The following ARID2 variants were observed in gnomAD, a reference collection of about 807,000 sequenced individuals.
ARID2 encodes the protein AT-rich interaction domain 2.
ARID2 carries 32 observed loss-of-function variants against 184.6 expected under a neutral mutation model. That is an observed-to-expected ratio of 0.17 (90% CI 0.13 to 0.23). ARID2 has a LOEUF of 0.23. Among genes scored for constraint, ARID2 ranks in the 10% least tolerant of loss-of-function variants. ARID2 has a pLI of 1.00. For missense variants in ARID2, 1,696 were observed against 2,197.6 expected, an observed-to-expected ratio of 0.77 and a Z score of 4.56; for synonymous variants, 836 against 772.6, an observed-to-expected ratio of 1.08 and a Z score of -1.36.
intron 16 of ARID2, among the ~76,000 whole-genome samples, chr12:45,868,255 A>G (rs1943862422): frequency 6.6e-6 from 1 of 152,174 alleles, no homozygotes; most frequent in Non-Finnish European, 1.5e-5. Context: ...AGCCTGGCCA[A>G]CATGGCAAAA....
chr12:45,742,256 A>G (rs1331593392), intron 3 of ARID2, among the ~76,000 whole-genome samples: 1 of 152,184 alleles, frequency 6.6e-6, no homozygotes, highest in Non-Finnish European at 1.5e-5. Context: ...AGAATATAAT[A>G]TTTTTACTTT....
Position 45,734,547 on chromosome 12 carries a change from A to G in ARID2, c.284+3233A>G, listed in dbSNP as rs369412437. 5.3e-5 allele frequency among the ~76,000 whole-genome samples: 8 copies of G among 151,260 alleles called. No homozygotes were observed. In the East Asian group the frequency reaches 1.6e-3, roughly 29 times the overall value. The stretch of plus-strand genomic sequence containing the variant: ...GAAAGGATAAGGTATAGTTTCCCAC[A>G]TTTTGTAGATGGAGATATTAAAGTG... On this transcript the variant is annotated intron_variant, in intron 3 of 20. Transcript: ENST00000334344.
In ARID2 at chr12:45,851,495, G is replaced by A; in HGVS notation, c.3372G>A (p.Gln1124=). 6.2e-7 allele frequency: 1 copy of A among 1,614,128 alleles called. No individual in the cohort carries two copies. The highest frequency in any genetic ancestry group is 8.5e-7 in the Non-Finnish European group (1 of 1,179,990). The part of the protein sequence containing the change: ...QTPAQQLLVG[Q]QNVQLVPSAM... Reference sequence around the variant, plus strand: ...CAGCTCAGCAGCTATTGGTTGGGCAGCAAAATGTTCAGTTGGTCCCAAGTG... The same window carrying A: ...CAGCTCAGCAGCTATTGGTTGGGCAACAAAATGTTCAGTTGGTCCCAAGTG... The change falls in exon 15 of 21, where the codon CAG becomes CAA. Residue 1124 remains glutamine (Q), a synonymous_variant. Coordinates refer to ENST00000334344, the MANE Select transcript of ARID2 (RefSeq NM_152641.4).
intron 3 of ARID2, among the ~76,000 whole-genome samples, chr12:45,779,030 A>T (rs1428440170): frequency 1.3e-5 from 2 of 152,048 alleles, no homozygotes; most frequent in Non-Finnish European, 2.9e-5. Flanking sequence ...TAGTTTTTAG[A>T]TAATTTTAAT....
chr12:45,744,405 AT>A (rs1236637095), intron 3 of ARID2, among the ~76,000 whole-genome samples: 8 of 152,018 alleles, frequency 5.3e-5, no homozygotes, highest in Non-Finnish European at 4.4e-5. Flanking sequence ...ATCCATAGGT[AT>A]TATCTATATT....
chr12:45,907,378 G>A lies in ARID2; in HGVS notation c.*2300G>A, dbSNP rs1191014750. ...TAATAGAAAAGAGAACAAACTGCAGGTTTAGAAAAATGGTTTTCATATTCA... is the reference window on the plus strand; with the variant it reads ...TAATAGAAAAGAGAACAAACTGCAGATTTAGAAAAATGGTTTTCATATTCA... On this transcript the variant is annotated 3_prime_UTR_variant, in exon 21 of 21. Transcript: ENST00000334344. 2 of 233,246 alleles carry A rather than the reference G, an allele frequency of 8.6e-6. No homozygotes were observed. The highest frequency in any genetic ancestry group is 2.2e-5 in the African/African-American group (1 of 45,298). 14.4% of individuals were successfully genotyped at this position (233,246 alleles called of 1,614,324 possible).
At chr12:45,753,684 C>T (rs760430016) in intron 3 of ARID2, among the ~76,000 whole-genome samples, 37 of 152,220 alleles carry the variant, frequency 2.4e-4, no homozygotes, top group South Asian at 1.5e-3. Flanking sequence ...CTCACTGCAA[C>T]CTTTGGTCAA....
At chr12:45,799,397 G>A (rs1236376159) in intron 3 of ARID2, among the ~76,000 whole-genome samples, 1 of 152,146 alleles carries the variant, frequency 6.6e-6, no homozygotes, top group Non-Finnish European at 1.5e-5. Flanking sequence ...GCATCATTAT[G>A]TACACTTAAT....
intron 16 of ARID2, among the ~76,000 whole-genome samples, chr12:45,878,563 T>C (rs1293739518): frequency 6.6e-6 from 1 of 152,196 alleles, no homozygotes; most frequent in South Asian, 2.1e-4. Flanking sequence ...ACAGTTTTTT[T>C]CATATTTCTA....
At chr12:45,890,588 A>G (rs965901617) in intron 16 of ARID2, among the ~76,000 whole-genome samples, 1 of 152,224 alleles carries the variant, frequency 6.6e-6, no homozygotes, top group Non-Finnish European at 1.5e-5. Context: ...AACAAAATGT[A>G]TTTACTGATT....
At chr12:45,890,402 A>ATG (rs1345376471) in intron 16 of ARID2, among the ~76,000 whole-genome samples, 2 of 152,216 alleles carry the variant, frequency 1.3e-5, no homozygotes, top group African/African-American at 4.8e-5. Flanking sequence ...TTCTGTGTAT[A>ATG]TGTGTGCACG....
intron 3 of ARID2, among the ~76,000 whole-genome samples, chr12:45,775,524 AT>A (rs1191109115): frequency 1.3e-5 from 2 of 152,148 alleles, no homozygotes; most frequent in Non-Finnish European, 2.9e-5. Flanking sequence ...AAATTTATTC[AT>A]TACTGTTCTT....
intron 11 of ARID2, among the ~76,000 whole-genome samples, chr12:45,844,112 A>C (rs188950906): frequency 2.0e-5 from 3 of 152,164 alleles, no homozygotes; most frequent in African/African-American, 7.2e-5. Context: ...AACCTGGCTC[A>C]CTGTAGTGTT....
At chr12:45,825,367 G>T (rs543350452) in intron 6 of ARID2, among the ~76,000 whole-genome samples, 2 of 152,174 alleles carry the variant, frequency 1.3e-5, no homozygotes, top group African/African-American at 4.8e-5. Context: ...AGTACATACA[G>T]TTGTTATATG....
rs1262038394 is a variant in ARID2 at position 45,892,019 on chromosome 12, C to T, written c.5070C>T (p.His1690=). 1 of 1,614,170 alleles carries T rather than the reference C, an allele frequency of 6.2e-7. No individual in the cohort carries two copies. Among genetic ancestry groups the T allele is most frequent in the South Asian group, 1.1e-5 (1 of 91,080 alleles). The change falls in exon 18 of 21, where the codon CAC becomes CAT. Residue 1690 remains histidine, a synonymous_variant. Transcript: ENST00000334344. Reference sequence around the variant, plus strand: ...TCCTCTTCCTCAAAAAGGATAAGCACTGTTCAAAGGATGCCCTACTTGCAG... The same window carrying T: ...TCCTCTTCCTCAAAAAGGATAAGCATTGTTCAAAGGATGCCCTACTTGCAG... ...FSFITHLQDK[H]CSKDALLAGL... is the part of the protein sequence containing the mutation.
chr12:45,803,293 A>G (rs1179206095), intron 3 of ARID2, among the ~76,000 whole-genome samples: 1 of 151,890 alleles, frequency 6.6e-6, no homozygotes, highest in Non-Finnish European at 1.5e-5. Context: ...TGTTTCTTCA[A>G]CTCTTCAGTA....
chr12:45,874,759 T>C (rs1943983628), intron 16 of ARID2, among the ~76,000 whole-genome samples: 1 of 152,184 alleles, frequency 6.6e-6, no homozygotes, highest in Admixed American at 6.5e-5. Flanking sequence ...TTGCAGAAGA[T>C]TTTCAATTTA....
intron 3 of ARID2, among the ~76,000 whole-genome samples, chr12:45,801,288 G>A (rs1942496675): frequency 6.6e-6 from 1 of 151,040 alleles, no homozygotes; most frequent in Non-Finnish European, 1.5e-5. Context: ...GTCCGGCCTG[G>A]GCAAAAGAGT....
chr12:45,787,643 A>T (rs1380167570), intron 3 of ARID2, among the ~76,000 whole-genome samples: 4 of 152,146 alleles, frequency 2.6e-5, no homozygotes, highest in Non-Finnish European at 5.9e-5. Context: ...TGCCTTTACT[A>T]ATCTTATTTT....
Sources: allele counts gnomAD v4.1 joint callset (sites outside exome capture counted in the v4.1 genomes callset), GRCh38; gene constraint gnomAD v4.1.1; transcripts MANE v1.5; gene names NCBI Gene and HGNC (gene_info 2026-07-23, HGNC 2026-07-21).